PRKN: variants seen among roughly 807,000 people sequenced by gnomAD.
PRKN encodes the protein E3 ubiquitin-protein ligase parkin.
A neutral mutation model predicts 59.5 loss-of-function variants in PRKN; 56 were observed. That is an observed-to-expected ratio of 0.94 (90% CI 0.76 to 1.18). The LOEUF is 1.18. Among genes scored for constraint, PRKN ranks in the 50% most tolerant of loss-of-function variants. PRKN has a pLI of 0.00. For missense variants in PRKN, 657 were observed against 596.4 expected, an observed-to-expected ratio of 1.10 and a Z score of -1.06; for synonymous variants, 250 against 222.1, an observed-to-expected ratio of 1.13 and a Z score of -1.12.
At position 161,899,819 on chromosome 6, in the gene PRKN, T is replaced by C. The variant is rs573655674; in HGVS notation, c.734+73483A>G. On this transcript the variant is annotated intron_variant, in intron 6 of 11. Transcript: ENST00000366898. Reference sequence around the variant, plus strand: ...GATTGAGTACAGCAGGGAAGTCATATATTTTAAAATATGGACAACCGGGCC... The same window carrying C: ...GATTGAGTACAGCAGGGAAGTCATACATTTTAAAATATGGACAACCGGGCC... Among the ~76,000 whole-genome samples, 4 of 152,308 alleles carry C rather than the reference T, an allele frequency of 2.6e-5. No individual in the cohort carries two copies. The East Asian group carries it at 7.7e-4, about 29-fold the overall frequency.
chr6:161,964,402 G>A (rs1225342694), intron 6 of PRKN, among the ~76,000 whole-genome samples: 1 of 151,970 alleles, frequency 6.6e-6, no homozygotes, highest in Non-Finnish European at 1.5e-5. Context: ...TCTCCCTCAA[G>A]ACTGGATTAG....
chr6:162,160,245 A>C (rs1377891005), intron 4 of PRKN, among the ~76,000 whole-genome samples: 1 of 152,216 alleles, frequency 6.6e-6, no homozygotes, highest in Non-Finnish European at 1.5e-5. Flanking sequence ...AAAAGATTCA[A>C]GCAGACTAAA....
chr6:161,366,351 C>T (rs1009758686), intron 10 of PRKN, among the ~76,000 whole-genome samples: 1 of 151,972 alleles, frequency 6.6e-6, no homozygotes, highest in Non-Finnish European at 1.5e-5. Flanking sequence ...GCTGAGGGGC[C>T]GAGGCACACG....
chr6:161,998,581 C>G (rs1781931220), intron 5 of PRKN, among the ~76,000 whole-genome samples: 1 of 152,116 alleles, frequency 6.6e-6, no homozygotes, highest in African/African-American at 2.4e-5. Context: ...GCTTTCTACT[C>G]TGGTAGCAGG....
intron 4 of PRKN, among the ~76,000 whole-genome samples, chr6:162,181,450 G>C (rs1452850746): frequency 6.6e-6 from 1 of 152,188 alleles, no homozygotes; most frequent in African/African-American, 2.4e-5. Context: ...TCAGATCATG[G>C]ATTTCCACAC....
intron 5 of PRKN, among the ~76,000 whole-genome samples, chr6:161,996,523 C>T (rs1781850345): frequency 6.6e-6 from 1 of 152,118 alleles, no homozygotes; most frequent in Non-Finnish European, 1.5e-5. Context: ...TCCAAATTTA[C>T]TGAAATTAAT....
chr6:161,391,087 C>G lies in PRKN; in HGVS notation c.1084-4210G>C, dbSNP rs1315528262. On this transcript the variant is annotated intron_variant, in intron 9 of 11. Transcript: ENST00000366898. This position sits in a 1 kb window ranked among gnomAD's most constrained non-coding sequence, Gnocchi z 4.9. ...TTTGCAAACACTTCCCATGGCATAG[C>G]TGTTTCTAGAGAAAAAGCTTGCCGG... 6.6e-6 allele frequency among the ~76,000 whole-genome samples: 1 copy of G among 152,110 alleles called. No individual in the cohort carries two copies. The highest frequency in any genetic ancestry group is 3.2e-3 in the Middle Eastern group (1 of 316).
At chr6:161,874,211 A>T (rs1583280652) in intron 6 of PRKN, among the ~76,000 whole-genome samples, 1 of 59,538 alleles carries the variant, frequency 1.7e-5, no homozygotes, top group African/African-American at 7.7e-5. Context: ...ATTATATGTA[A>T]AATATAATAT....
chr6:162,399,227 A>T, intron 2 of PRKN, among the ~76,000 whole-genome samples: 1 of 152,218 alleles, frequency 6.6e-6, no homozygotes, highest in East Asian at 1.9e-4. Flanking sequence ...AGATATTGTC[A>T]TGGAGAGACA....
In PRKN at chr6:161,548,334, C is replaced by T. The variant is rs182672419; in HGVS notation, c.1083+520G>A. Among the ~76,000 whole-genome samples the T allele has an allele frequency of 3.3e-5, 5 of 152,336 alleles. No homozygotes were observed. Among genetic ancestry groups the T allele is most frequent in the Middle Eastern group, 3.4e-3 (1 of 294 alleles). On this transcript the variant is annotated intron_variant, in intron 9 of 11. Coordinates refer to ENST00000366898, the MANE Select transcript of PRKN (RefSeq NM_004562.3). The surrounding 1 kb of genome is among the most constrained non-coding windows in gnomAD (Gnocchi z 4.2). ...AACATTTTCCACATTTCTTATTCTG[C>T]TTCCATAAGAGACACCATTAGTTTT...
chr6:161,635,007 C>A (rs138150241), intron 7 of PRKN, among the ~76,000 whole-genome samples: 1 of 152,080 alleles, frequency 6.6e-6, no homozygotes. Flanking sequence ...AGCGGGCAGA[C>A]GGTGAGGCCG....
At chr6:161,621,582 C>T (rs531533931) in intron 7 of PRKN, among the ~76,000 whole-genome samples, 2 of 152,138 alleles carry the variant, frequency 1.3e-5, no homozygotes, top group East Asian at 3.9e-4. Context: ...GGCTGATCTT[C>T]CCCTTCCCCA....
chr6:162,697,402 C>G (rs990862425), intron 1 of PRKN, among the ~76,000 whole-genome samples: 3 of 151,908 alleles, frequency 2.0e-5, no homozygotes, highest in Non-Finnish European at 4.4e-5. Context: ...CCTGTAGCCT[C>G]AATAAACACA....
chr6:161,406,078 G>C (rs1261037805), intron 9 of PRKN, among the ~76,000 whole-genome samples: 1 of 151,664 alleles, frequency 6.6e-6, no homozygotes, highest in Non-Finnish European at 1.5e-5. Flanking sequence ...CAATCTCCTG[G>C]CTTTATGTTT....
chr6:162,079,678 A>G (rs1431263082), intron 4 of PRKN, among the ~76,000 whole-genome samples: 1 of 151,376 alleles, frequency 6.6e-6, no homozygotes, highest in Non-Finnish European at 1.5e-5. Context: ...CTCCTTCCCC[A>G]CCTCTCTCCA....
rs564317230 is a variant in PRKN, at chr6:161,776,639, T to TA, written c.871+9132dup. ...AACCATGATGCCTAACCTAAAAGGT[T>TA]ACCATTTAATTGGTCTGAGGCATGG... On this transcript the variant is annotated intron_variant, in intron 7 of 11. Coordinates refer to ENST00000366898, the MANE Select transcript of PRKN (RefSeq NM_004562.3). Among the ~76,000 whole-genome samples, 12 of 152,346 alleles carry TA rather than the reference T, an allele frequency of 7.9e-5. No homozygotes were observed. In the South Asian group the frequency reaches 2.5e-3, roughly 32 times the overall value.
rs900776201 is a variant in PRKN at position 162,654,678 on chromosome 6, A to G, written c.7+72984T>C. On this transcript the variant is annotated intron_variant, in intron 1 of 11. Transcript: ENST00000366898. ...TGTATTAGTCCATTCTCATGCTGCC[A>G]GTGGAGACATACCTGAGACTGGGTA... Among the ~76,000 whole-genome samples the G allele has an allele frequency of 2.0e-5, 3 of 152,228 alleles. No homozygotes were observed. In the South Asian group the frequency reaches 6.2e-4, roughly 31 times the overall value.
chr6:162,067,765 G>A (rs1316764455), intron 4 of PRKN, among the ~76,000 whole-genome samples: 2 of 152,314 alleles, frequency 1.3e-5, no homozygotes, highest in East Asian at 1.9e-4. Flanking sequence ...AAGGTGGGCA[G>A]TGCCACAGCC....
At chr6:162,597,769 A>G (rs1359194218) in intron 1 of PRKN, among the ~76,000 whole-genome samples, 1 of 152,192 alleles carries the variant, frequency 6.6e-6, no homozygotes, top group Non-Finnish European at 1.5e-5. Context: ...ATAACAAACC[A>G]GGGCCTGGTC....
Sources: gnomAD v4.1 joint callset for allele counts (sites outside exome capture counted in the v4.1 genomes callset) on GRCh38, gnomAD v4.1.1 for gene constraint, Gnocchi (gnomAD v3.1) non-coding constraint, MANE v1.5 for transcripts, NCBI Gene and HGNC (gene_info 2026-07-23, HGNC 2026-07-21) for gene names.